The following SCAPER variants were observed in gnomAD, a reference collection of about 807,000 sequenced individuals.
SCAPER encodes the protein S phase cyclin A-associated protein in the endoplasmic reticulum.
SCAPER carries 98 observed loss-of-function variants against 182.2 expected under a neutral mutation model. That is an observed-to-expected ratio of 0.54 (90% CI 0.46 to 0.64). SCAPER has a LOEUF of 0.64. Ranked by LOEUF, SCAPER falls within the 30% of genes least tolerant of loss-of-function variation. SCAPER has a pLI of 0.00. For synonymous variants in SCAPER, 605 were observed against 564.6 expected, an observed-to-expected ratio of 1.07 and a Z score of -1.01; for missense variants, 1,432 against 1,690.0, an observed-to-expected ratio of 0.85 and a Z score of 2.68.
intron 1 of SCAPER, among the ~76,000 whole-genome samples, chr15:76,897,695 T>G (rs544431333): frequency 1.3e-5 from 2 of 152,062 alleles, no homozygotes; most frequent in African/African-American, 4.8e-5. Flanking sequence ...TGACAGAGAC[T>G]CTATCTCGAA....
intron 21 of SCAPER, among the ~76,000 whole-genome samples, chr15:76,635,890 T>G (rs1344995974): frequency 1.3e-5 from 2 of 152,232 alleles, no homozygotes; most frequent in African/African-American, 4.8e-5. Flanking sequence ...CAACTACCCC[T>G]GAATTCTTGG....
chr15:76,900,005 T>C (rs936711495), intron 1 of SCAPER, among the ~76,000 whole-genome samples: 1 of 152,240 alleles, frequency 6.6e-6, no homozygotes, highest in African/African-American at 2.4e-5. Context: ...GAAAAATTCT[T>C]CTGCCTTGGG....
At chr15:76,733,411 T>A (rs746377504) in intron 15 of SCAPER, 27 bp from the exon 16 acceptor site, 1 of 1,604,646 alleles carries the variant, frequency 6.2e-7, no homozygotes, top group Non-Finnish European at 8.5e-7. Flanking sequence ...AAGGTAAGGT[T>A]CAGATCAAGT....
chr15:76,650,889 T>G (rs190430584), intron 21 of SCAPER, among the ~76,000 whole-genome samples: 1 of 152,050 alleles, frequency 6.6e-6, no homozygotes, highest in African/African-American at 2.4e-5. Context: ...GTTCAAATGT[T>G]TGGAAATTCA....
intron 20 of SCAPER, among the ~76,000 whole-genome samples, chr15:76,669,520 C>T (rs766544314): frequency 5.3e-5 from 8 of 152,184 alleles, no homozygotes; most frequent in Non-Finnish European, 7.4e-5. Context: ...ATCCATACTA[C>T]CATTTATTGA....
intron 28 of SCAPER, among the ~76,000 whole-genome samples, chr15:76,376,857 CA>C (rs1567021396): frequency 1.3e-5 from 2 of 152,092 alleles, no homozygotes; most frequent in African/African-American, 2.4e-5. Context: ...AAAAACAAAA[CA>C]AAAAATTCTC....
intron 20 of SCAPER, among the ~76,000 whole-genome samples, chr15:76,668,102 C>A (rs1207371108): frequency 1.3e-5 from 2 of 152,202 alleles, no homozygotes; most frequent in African/African-American, 2.4e-5. Context: ...AAAGTGTTCT[C>A]TATTTGAGTA....
At chr15:76,491,467 C>T (rs2052299946) in intron 24 of SCAPER, among the ~76,000 whole-genome samples, 2 of 152,068 alleles carry the variant, frequency 1.3e-5, no homozygotes, top group Non-Finnish European at 1.5e-5. Flanking sequence ...GAGGTAACTA[C>T]CCAGGTGTGG....
At chr15:76,771,101 GC>G (rs1169112792) in intron 10 of SCAPER, among the ~76,000 whole-genome samples, 1 of 152,000 alleles carries the variant, frequency 6.6e-6, no homozygotes, top group African/African-American at 2.4e-5. Context: ...ATTTTTCACA[GC>G]TTTTTATATG....
At chr15:76,507,720 T>C (rs1185407250) in intron 23 of SCAPER, among the ~76,000 whole-genome samples, 1 of 152,202 alleles carries the variant, frequency 6.6e-6, no homozygotes, top group Non-Finnish European at 1.5e-5. Flanking sequence ...TTTGTGACTA[T>C]AAGTTCATTG....
At chr15:76,642,688 T>C (rs1430234399) in intron 21 of SCAPER, among the ~76,000 whole-genome samples, 2 of 152,186 alleles carry the variant, frequency 1.3e-5, no homozygotes, top group Non-Finnish European at 2.9e-5. Flanking sequence ...ATCTATAGTA[T>C]AGTGGTTCCT....
intron 17 of SCAPER, among the ~76,000 whole-genome samples, chr15:76,720,628 G>C (rs2060173857): frequency 1.3e-5 from 2 of 152,146 alleles, no homozygotes; most frequent in Admixed American, 1.3e-4. Context: ...ATTCTAACTG[G>C]TGTGAGATGG....
At chr15:76,706,369 C>T (rs1374774323) in intron 17 of SCAPER, among the ~76,000 whole-genome samples, 2 of 152,168 alleles carry the variant, frequency 1.3e-5, no homozygotes, top group Middle Eastern at 3.4e-3. Flanking sequence ...AAAAAATGGA[C>T]ATCAATATTT....
intron 6 of SCAPER, among the ~76,000 whole-genome samples, chr15:76,804,315 A>G (rs1302633193): frequency 3.3e-5 from 5 of 152,270 alleles, no homozygotes; most frequent in Non-Finnish European, 7.3e-5. Flanking sequence ...ACATTCAAAA[A>G]TTAAATCTCT....
At chr15:76,842,409 G>A (rs1352208498) in intron 4 of SCAPER, among the ~76,000 whole-genome samples, 1 of 152,168 alleles carries the variant, frequency 6.6e-6, no homozygotes, top group East Asian at 1.9e-4. Flanking sequence ...GTTCTCACAA[G>A]ATCTGATGGT....
chr15:76,897,167 ACAAC>A (rs2074485501), intron 1 of SCAPER, among the ~76,000 whole-genome samples: 1 of 152,210 alleles, frequency 6.6e-6, no homozygotes, highest in African/African-American at 2.4e-5. Context: ...TTGATGGCAA[ACAAC>A]CAGCACTCAA....
chr15:76,883,524 T>C (rs1042599262), intron 2 of SCAPER, among the ~76,000 whole-genome samples: 9 of 152,200 alleles, frequency 5.9e-5, no homozygotes, highest in Non-Finnish European at 1.3e-4. Flanking sequence ...GCTGTTAGCA[T>C]CCATTGATTT....
At chr15:76,572,447 A>C (rs2047496716) in intron 23 of SCAPER, among the ~76,000 whole-genome samples, 1 of 152,350 alleles carries the variant, frequency 6.6e-6, no homozygotes, top group South Asian at 2.1e-4. Flanking sequence ...TGTGTTACAC[A>C]CAAGAACTGA....
intron 21 of SCAPER, among the ~76,000 whole-genome samples, chr15:76,649,913 C>T (rs1183891828): frequency 2.6e-5 from 4 of 151,948 alleles, no homozygotes; most frequent in Non-Finnish European, 5.9e-5. Context: ...CATAAAAATT[C>T]AGAACTACAT....
Sources: gnomAD v4.1 joint callset for allele counts (sites outside exome capture counted in the v4.1 genomes callset) on GRCh38, gnomAD v4.1.1 for gene constraint, MANE v1.5 for transcripts, NCBI Gene and HGNC (gene_info 2026-07-23, HGNC 2026-07-21) for gene names.